Variants in FOXK1 observed in about 807,000 individuals in gnomAD.
FOXK1 encodes forkhead box protein K1.
A neutral mutation model predicts 51.9 loss-of-function variants in FOXK1; 19 were observed. That is an observed-to-expected ratio of 0.37 (90% CI 0.26 to 0.54). The LOEUF (loss-of-function observed/expected upper bound fraction) is 0.54, where lower values mean the gene tolerates loss of function less well. Ranked by LOEUF, FOXK1 falls within the 20% of genes least tolerant of loss-of-function variation. FOXK1 has a pLI of 0.87. For synonymous variants in FOXK1, 537 were observed against 482.6 expected, an observed-to-expected ratio of 1.11 and a Z score of -1.48; for missense variants, 870 against 1,032.7, an observed-to-expected ratio of 0.84 and a Z score of 2.16.
At chr7:4,684,231 G>C (rs1200814479) in intron 1 of FOXK1, among the ~76,000 whole-genome samples, 1 of 152,210 alleles carries the variant, frequency 6.6e-6, no homozygotes, top group Non-Finnish European at 1.5e-5. Flanking sequence ...CTCATCACCA[G>C]TGTTTATATT....
In FOXK1 at chr7:4,761,408, G is replaced by T; in HGVS notation, c.1921+120G>T. 1 of 1,027,736 alleles carries T rather than the reference G, an allele frequency of 9.7e-7. No individual in the cohort carries two copies. Among genetic ancestry groups the T allele is most frequent in the Non-Finnish European group, 1.4e-6 (1 of 701,164 alleles). 63.7% of individuals were successfully genotyped at this position (1,027,736 alleles called of 1,614,324 possible). On this transcript the variant is annotated intron_variant, in intron 8 of 8. Coordinates refer to ENST00000328914, the MANE Select transcript of FOXK1 (RefSeq NM_001037165.2). The surrounding 1 kb of genome is among the most constrained non-coding windows in gnomAD (Gnocchi z 6.2). ...TCCTCCACTCAGTTCAATTTATTGA[G>T]CACCTGCTATACTCCAGGCACTGGG...
rs1431080915 is a variant in FOXK1, at chr7:4,761,817, T to G, written c.1922-367T>G. On this transcript the variant is annotated intron_variant, in intron 8 of 8. Transcript: ENST00000328914. This position sits in a 1 kb window ranked among gnomAD's most constrained non-coding sequence, Gnocchi z 6.2. ...GTCAAAGGAAGGAGGAGAGTTGGGG[T>G]GCTGGGGTGCAAGGGTGCTGGGCGG... Among the ~76,000 whole-genome samples the G allele has an allele frequency of 1.3e-5, 2 of 151,888 alleles. No homozygotes were observed. Among genetic ancestry groups the G allele is most frequent in the Non-Finnish European group, 2.9e-5 (2 of 67,968 alleles).
Position 4,711,399 on chromosome 7 carries a change from C to G in FOXK1, c.560+28531C>G, listed in dbSNP as rs750159037. 1.3e-5 allele frequency among the ~76,000 whole-genome samples: 2 copies of G among 152,088 alleles called. No individual in the cohort carries two copies. Among genetic ancestry groups the G allele is most frequent in the Admixed American group, 6.6e-5 (1 of 15,264 alleles). ...AGTCCGGGGGTGGGTCCCAGCCAGC[C>G]GCCAGCTCTCCCTGGAGTGATTCCT... On this transcript the variant is annotated intron_variant, in intron 1 of 8. Transcript: ENST00000328914. This position sits in a 1 kb window ranked among gnomAD's most constrained non-coding sequence, Gnocchi z 6.3.
intron 1 of FOXK1, among the ~76,000 whole-genome samples, chr7:4,694,707 A>C (rs970144001): frequency 1.3e-5 from 2 of 152,144 alleles, no homozygotes; most frequent in African/African-American, 4.8e-5. Flanking sequence ...CTGTAGGATG[A>C]CCCGTGTGGG....
Position 4,748,352 on chromosome 7 carries a change from A to T in FOXK1, c.747-6107A>T, listed in dbSNP as rs1267022255. Among the ~76,000 whole-genome samples the T allele has an allele frequency of 6.6e-6, 1 of 152,142 alleles. No homozygotes were observed. Among genetic ancestry groups the T allele is most frequent in the Non-Finnish European group, 1.5e-5 (1 of 68,024 alleles). Reference sequence around the variant, plus strand: ...ATTTAGCTTCCCCCCTCCCCATCCCAGTAAAGTTACATCATCATGTCTGGT... The same window carrying T: ...ATTTAGCTTCCCCCCTCCCCATCCCTGTAAAGTTACATCATCATGTCTGGT... On this transcript the variant is annotated intron_variant, in intron 2 of 8. Transcript: ENST00000328914. This position sits in a 1 kb window ranked among gnomAD's most constrained non-coding sequence, Gnocchi z 4.9.
intron 1 of FOXK1, among the ~76,000 whole-genome samples, chr7:4,726,474 T>C (rs985535732): frequency 6.6e-6 from 1 of 152,098 alleles, no homozygotes; most frequent in African/African-American, 2.4e-5. Context: ...ACAAAAAAGT[T>C]AGCCGGGCAC....
chr7:4,729,832 A>G lies in FOXK1; in HGVS notation c.561-11006A>G, dbSNP rs1263782807. Among the ~76,000 whole-genome samples, 2 of 152,028 alleles carry G rather than the reference A, an allele frequency of 1.3e-5. No individual in the cohort carries two copies. Among genetic ancestry groups the G allele is most frequent in the Non-Finnish European group, 2.9e-5 (2 of 67,996 alleles). ...TGGTGAAACCCCATCTCTACTAACA[A>G]TACAAAAACTAGCCAGGCCTGGTAG... On this transcript the variant is annotated intron_variant, in intron 1 of 8. Transcript: ENST00000328914. This position sits in a 1 kb window ranked among gnomAD's most constrained non-coding sequence, Gnocchi z 6.2.
At chr7:4,739,555 C>T (rs1038355002) in intron 1 of FOXK1, among the ~76,000 whole-genome samples, 3 of 152,204 alleles carry the variant, frequency 2.0e-5, no homozygotes, top group Non-Finnish European at 2.9e-5. Context: ...GCCAGATGAA[C>T]CCTGGATACT....
At chr7:4,706,686 A>G (rs1440990404) in intron 1 of FOXK1, among the ~76,000 whole-genome samples, 1 of 152,272 alleles carries the variant, frequency 6.6e-6, no homozygotes, top group Non-Finnish European at 1.5e-5. Context: ...TTCGGAGTGC[A>G]GAAATGTAAA....
At chr7:4,689,735 G>C (rs1312463876) in intron 1 of FOXK1, among the ~76,000 whole-genome samples, 1 of 152,152 alleles carries the variant, frequency 6.6e-6, no homozygotes, top group African/African-American at 2.4e-5. Context: ...ACATTATCTT[G>C]AAATTAATGG....
chr7:4,712,714 T>G (rs1780190215), intron 1 of FOXK1, among the ~76,000 whole-genome samples: 1 of 152,212 alleles, frequency 6.6e-6, no homozygotes, highest in African/African-American at 2.4e-5. Flanking sequence ...ACCTCGCTCA[T>G]CTGTTGCCCT....
intron 1 of FOXK1, among the ~76,000 whole-genome samples, chr7:4,710,046 A>G (rs1476223402): frequency 3.3e-5 from 5 of 152,220 alleles, no homozygotes; most frequent in Non-Finnish European, 5.9e-5. Context: ...ACTTCTTCTT[A>G]CGGTTTTAAT....
chr7:4,701,839 G>A (rs1780024467), intron 1 of FOXK1, among the ~76,000 whole-genome samples: 1 of 152,250 alleles, frequency 6.6e-6, no homozygotes. Context: ...TTTGCAGTGA[G>A]CGGAGATCGC....
At chr7:4,728,445 G>A (rs1256516311) in intron 1 of FOXK1, among the ~76,000 whole-genome samples, 1 of 152,126 alleles carries the variant, frequency 6.6e-6, no homozygotes, top group Non-Finnish European at 1.5e-5. Flanking sequence ...CACCTCCTGG[G>A]AGACTCCACA....
Position 4,703,398 on chromosome 7 carries a change from G to A in FOXK1, c.560+20530G>A, listed in dbSNP as rs542461447. 1.1e-4 allele frequency among the ~76,000 whole-genome samples: 16 copies of A among 152,270 alleles called. No homozygotes were observed. The highest frequency in any genetic ancestry group is 3.8e-4 in the African/African-American group (16 of 41,562). On this transcript the variant is annotated intron_variant, in intron 1 of 8. Coordinates refer to ENST00000328914, the MANE Select transcript of FOXK1 (RefSeq NM_001037165.2). This position sits in a 1 kb window ranked among gnomAD's most constrained non-coding sequence, Gnocchi z 5.6. The stretch of plus-strand genomic sequence containing the variant: ...ATGGGAGGACAACTCGCTGAAGTTC[G>A]TGGCCCCAAGACATGCGGAGAACCC...
chr7:4,761,317 A>G lies in FOXK1; in HGVS notation c.1921+29A>G. On this transcript the variant is annotated intron_variant, in intron 8 of 8. Coordinates refer to ENST00000328914, the MANE Select transcript of FOXK1 (RefSeq NM_001037165.2). This position sits in a 1 kb window ranked among gnomAD's most constrained non-coding sequence, Gnocchi z 6.2. ...AGGCCCTGGCCCTGTTCTCCATGCC[A>G]CATCCCAAGCTCTGTGGCTCCCAGT... 1 of 1,595,608 alleles carries G rather than the reference A, an allele frequency of 6.3e-7. No homozygotes were observed. Among genetic ancestry groups the G allele is most frequent in the South Asian group, 1.1e-5 (1 of 89,998 alleles).
At chr7:4,738,810 G>T (rs188929785) in intron 1 of FOXK1, among the ~76,000 whole-genome samples, 1 of 152,186 alleles carries the variant, frequency 6.6e-6, no homozygotes. Flanking sequence ...CCAGTATCTC[G>T]GGGAGAATCA....
In FOXK1 at chr7:4,703,827, C is replaced by A. The variant is rs895645902; in HGVS notation, c.560+20959C>A. ...TGCCGAGAGCTTTAGAGAGACTCCC[C>A]TAACCATGATTTAATCTGGGGAAGG... On this transcript the variant is annotated intron_variant, in intron 1 of 8. Coordinates refer to ENST00000328914, the MANE Select transcript of FOXK1 (RefSeq NM_001037165.2). This position sits in a 1 kb window ranked among gnomAD's most constrained non-coding sequence, Gnocchi z 5.6. Among the ~76,000 whole-genome samples, 2 of 152,060 alleles carry A rather than the reference C, an allele frequency of 1.3e-5. No individual in the cohort carries two copies. The highest frequency in any genetic ancestry group is 2.9e-5 in the Non-Finnish European group (2 of 68,020).
At chr7:4,718,388 C>T (rs763879964) in intron 1 of FOXK1, among the ~76,000 whole-genome samples, 2 of 152,234 alleles carry the variant, frequency 1.3e-5, no homozygotes, top group East Asian at 1.9e-4. Flanking sequence ...GAAGCGGGCT[C>T]GTCCGCAGCT....
Sources: gnomAD v4.1 joint callset for allele counts (sites outside exome capture counted in the v4.1 genomes callset) on GRCh38, gnomAD v4.1.1 for gene constraint, Gnocchi (gnomAD v3.1) non-coding constraint, MANE v1.5 for transcripts, NCBI Gene and HGNC (gene_info 2026-07-23, HGNC 2026-07-21) for gene names.